The following MYBL2 variants were observed in gnomAD, a reference collection of about 807,000 sequenced individuals.
MYBL2 encodes the protein MYB proto-oncogene like 2, also known as myb-related protein B.
In MYBL2, 28 loss-of-function variants were observed where a neutral mutation model predicts 79.9. The ratio of observed to expected loss-of-function variants is 0.35; its 90% CI spans 0.26 to 0.48. The LOEUF is 0.48. Ranked by LOEUF, MYBL2 falls within the 20% of genes least tolerant of loss-of-function variation. The probability of loss-of-function intolerance (pLI) is 0.99; values close to 1 mark genes in which losing one functional copy is unlikely to be tolerated. For missense variants in MYBL2, 735 were observed against 893.9 expected, an observed-to-expected ratio of 0.82 and a Z score of 2.27; for synonymous variants, 378 against 361.2, an observed-to-expected ratio of 1.05 and a Z score of -0.53.
chr20:43,678,332 A>AAAG (rs1987064927), intron 2 of MYBL2, among the ~76,000 whole-genome samples: 1 of 10,272 alleles, frequency 9.7e-5, no homozygotes, highest in African/African-American at 1.7e-4. Flanking sequence ...AGAAAGAAAG[A>AAAG]AAAAAAAAAA....
At chr20:43,702,272 G>T (rs907739906) in intron 7 of MYBL2, among the ~76,000 whole-genome samples, 5 of 152,168 alleles carry the variant, frequency 3.3e-5, no homozygotes, top group Admixed American at 3.3e-4. Flanking sequence ...GTACTCCAGC[G>T]TAGGCAACAG....
chr20:43,671,881 G>GTT (rs979613123), intron 1 of MYBL2, among the ~76,000 whole-genome samples: 5 of 144,564 alleles, frequency 3.5e-5, no homozygotes, highest in Non-Finnish European at 7.6e-5. Context: ...AGCTCGTACT[G>GTT]TTTTTTTTTT....
intron 6 of MYBL2, among the ~76,000 whole-genome samples, chr20:43,697,503 C>T (rs1987571970): frequency 6.6e-6 from 1 of 151,628 alleles, no homozygotes; most frequent in Non-Finnish European, 1.5e-5. Context: ...CCCAGCTGCT[C>T]AGGAGGCTGA....
intron 6 of MYBL2, among the ~76,000 whole-genome samples, chr20:43,697,955 A>T (rs1453206437): frequency 4.0e-5 from 6 of 151,194 alleles, no homozygotes; most frequent in Non-Finnish European, 7.4e-5. Flanking sequence ...ATGGTGTGCA[A>T]TGTGATGTTT....
At chr20:43,688,486 T>C (rs1252686665) in intron 5 of MYBL2, among the ~76,000 whole-genome samples, 1 of 151,432 alleles carries the variant, frequency 6.6e-6, no homozygotes, top group African/African-American at 2.4e-5. Flanking sequence ...TGAGCCACTA[T>C]GCCCAGACTC....
At chr20:43,688,683 A>G (rs1247886910) in intron 5 of MYBL2, among the ~76,000 whole-genome samples, 2 of 151,788 alleles carry the variant, frequency 1.3e-5, no homozygotes, top group Non-Finnish European at 2.9e-5. Flanking sequence ...GGGTCTCCCT[A>G]TGTTGCCCAG....
At chr20:43,692,530 CTG>C (rs1158541800) in intron 6 of MYBL2, among the ~76,000 whole-genome samples, 9 of 152,186 alleles carry the variant, frequency 5.9e-5, no homozygotes, top group Non-Finnish European at 1.0e-4. Context: ...TTATATAAAA[CTG>C]TGAATTAGTT....
At chr20:43,669,109 G>A (rs1266847115) in intron 1 of MYBL2, among the ~76,000 whole-genome samples, 3 of 152,204 alleles carry the variant, frequency 2.0e-5, no homozygotes, top group Non-Finnish European at 4.4e-5. Context: ...AGAGTGCTAG[G>A]ATTACAGGCG....
At chr20:43,704,158 C>T (rs1299795115) in intron 8 of MYBL2, among the ~76,000 whole-genome samples, 2 of 152,026 alleles carry the variant, frequency 1.3e-5, no homozygotes, top group Non-Finnish European at 2.9e-5. Flanking sequence ...AGATTATAGG[C>T]ATGAGCCACC....
chr20:43,676,045 C>T (rs1359977732), intron 2 of MYBL2, among the ~76,000 whole-genome samples: 1 of 151,836 alleles, frequency 6.6e-6, no homozygotes, highest in Non-Finnish European at 1.5e-5. Context: ...GCTGGGATTA[C>T]AGGCACGTGC....
intron 10 of MYBL2, among the ~76,000 whole-genome samples, chr20:43,711,115 AGT>A (rs1987895131): frequency 6.6e-6 from 1 of 152,166 alleles, no homozygotes; most frequent in African/African-American, 2.4e-5. Flanking sequence ...CAAAGGGTTG[AGT>A]GAGCCTGGGC....
intron 5 of MYBL2, among the ~76,000 whole-genome samples, chr20:43,690,898 C>T (rs958254370): frequency 2.0e-5 from 3 of 152,174 alleles, no homozygotes; most frequent in Admixed American, 6.5e-5. Flanking sequence ...GCTTGCTTCT[C>T]ACCACTATAC....
chr20:43,700,443 T>TG (rs1359458604), intron 7 of MYBL2, among the ~76,000 whole-genome samples: 6 of 152,272 alleles, frequency 3.9e-5, no homozygotes, highest in African/African-American at 1.4e-4. Flanking sequence ...CAAGTCTTGG[T>TG]GCTGGTCTTG....
chr20:43,704,825 A>G (rs1311655003), intron 8 of MYBL2, among the ~76,000 whole-genome samples: 1 of 152,194 alleles, frequency 6.6e-6, no homozygotes. Flanking sequence ...TCTAAATGAT[A>G]ACCCCACCGC....
chr20:43,670,624 G>A (rs1024052116), intron 1 of MYBL2, among the ~76,000 whole-genome samples: 9 of 152,158 alleles, frequency 5.9e-5, no homozygotes, highest in African/African-American at 2.2e-4. Context: ...TGTAGATGAT[G>A]TGGAGGAGAC....
intron 9 of MYBL2, among the ~76,000 whole-genome samples, chr20:43,707,181 GT>G (rs3091888): frequency 0.16 from 22,648 of 140,630 alleles, 2,221 homozygotes; most frequent in East Asian, 0.3. Context: ...TCTCTTTCTA[GT>G]TTTTTTTTTT....
chr20:43,708,610 G>A (rs1450943434), intron 9 of MYBL2, among the ~76,000 whole-genome samples: 2 of 151,928 alleles, frequency 1.3e-5, no homozygotes, highest in South Asian at 2.1e-4. Context: ...TTTATTTTTA[G>A]TAGTGATGGA....
chr20:43,703,737 GT>G (rs1568873314), intron 8 of MYBL2, among the ~76,000 whole-genome samples: 3 of 152,136 alleles, frequency 2.0e-5, no homozygotes, highest in African/African-American at 7.2e-5. Context: ...AGGCCACCCT[GT>G]CATCACGGGT....
Position 43,705,335 on chromosome 20 carries a change from A to T in MYBL2, c.1482A>T (p.Thr494=), listed in dbSNP as rs1600562439. The T allele has an allele frequency of 1.9e-6, 3 of 1,612,424 alleles. No homozygotes were observed. Among genetic ancestry groups the T allele is most frequent in the African/African-American group, 2.7e-5 (2 of 74,978 alleles). The change falls in exon 9 of 14, where the codon ACA becomes ACT. Residue 494 remains threonine, a synonymous_variant. Transcript: ENST00000217026. ...VVTTPLHRDK[T]PLHQKHAAFV... ...CCACACCACTGCACCGGGACAAGAC[A>T]CCCCTGCACCAGAAACATGCTGCGT...
Sources: allele counts gnomAD v4.1 joint callset (sites outside exome capture counted in the v4.1 genomes callset), GRCh38; gene constraint gnomAD v4.1.1; transcripts MANE v1.5; gene names NCBI Gene and HGNC (gene_info 2026-07-23, HGNC 2026-07-21).